CNTN6: variants seen among roughly 807,000 people sequenced by gnomAD.
CNTN6 encodes the protein contactin 6.
A neutral mutation model predicts 122.8 loss-of-function variants in CNTN6; 137 were observed. The observed-to-expected ratio is 1.12, with a 90% CI of 0.97 to 1.29. The LOEUF (loss-of-function observed/expected upper bound fraction) is 1.29, where lower values mean the gene tolerates loss of function less well. Among genes scored for constraint, CNTN6 ranks in the 50% most tolerant of loss-of-function variants. The pLI is 0.00. For missense variants in CNTN6, 1,634 were observed against 1,223.4 expected, an observed-to-expected ratio of 1.34 and a Z score of -5.01; for synonymous variants, 570 against 426.0, an observed-to-expected ratio of 1.34 and a Z score of -4.16.
intron 1 of CNTN6, among the ~76,000 whole-genome samples, chr3:1,123,431 T>C (rs1210826618): frequency 1.3e-5 from 2 of 150,682 alleles, no homozygotes; most frequent in Non-Finnish European, 3.0e-5. Context: ...GTTTTTTTCT[T>C]AATGTGCTTT....
chr3:1,347,863 A>G (rs1420719895), intron 11 of CNTN6, among the ~76,000 whole-genome samples: 1 of 152,072 alleles, frequency 6.6e-6, no homozygotes, highest in Non-Finnish European at 1.5e-5. Flanking sequence ...GTGAAACTTA[A>G]TGCTGAGGAC....
rs1703862646 is a variant in CNTN6, at chr3:1,341,329, T to C, written c.1365-10995T>C. Reference sequence around the variant, plus strand: ...CATATGAATCTATGTTAATTCTCTTTTGTGTTTTCTCAGGCATCCCAAAAT... The same window carrying C: ...CATATGAATCTATGTTAATTCTCTTCTGTGTTTTCTCAGGCATCCCAAAAT... On this transcript the variant is annotated intron_variant, in intron 11 of 22. Coordinates refer to ENST00000446702, the MANE Select transcript of CNTN6 (RefSeq NM_001289080.2). 4.6e-5 allele frequency among the ~76,000 whole-genome samples: 7 copies of C among 152,160 alleles called. 1 individual carries two copies. Among genetic ancestry groups the C allele is most frequent in the Admixed American group, 4.6e-4 (7 of 15,264 alleles).
At chr3:1,255,715 C>T (rs1016351332) in intron 4 of CNTN6, among the ~76,000 whole-genome samples, 1 of 151,850 alleles carries the variant, frequency 6.6e-6, no homozygotes, top group Admixed American at 6.6e-5. Context: ...ACTCTATTGC[C>T]CAGCTTGAGT....
intron 4 of CNTN6, among the ~76,000 whole-genome samples, chr3:1,258,671 C>A (rs544722920): frequency 2.0e-5 from 3 of 152,060 alleles, no homozygotes; most frequent in African/African-American, 7.2e-5. Flanking sequence ...AACTTTTTCT[C>A]CTCGTGTCAC....
Position 1,284,626 on chromosome 3 carries a change from C to T in CNTN6, c.454+6118C>T, listed in dbSNP as rs529957855. On this transcript the variant is annotated intron_variant, in intron 5 of 22. Coordinates refer to ENST00000446702, the MANE Select transcript of CNTN6 (RefSeq NM_001289080.2). ...TGGAAAAGAGAGACAAAGTTTTTAG[C>T]TCCATGAATCTTATAATAAAGAAAT... Among the ~76,000 whole-genome samples the T allele has an allele frequency of 6.6e-5, 10 of 152,242 alleles. No individual in the cohort carries two copies. In the South Asian group the frequency reaches 2.1e-3, roughly 32 times the overall value.
chr3:1,309,048 T>C (rs138441566), intron 7 of CNTN6, among the ~76,000 whole-genome samples: 222 of 152,300 alleles, frequency 1.5e-3, no homozygotes, highest in Non-Finnish European at 2.6e-3. Context: ...TTATCAGATA[T>C]GCGTTTTGCC....
intron 1 of CNTN6, among the ~76,000 whole-genome samples, chr3:1,097,267 A>G (rs1050054224): frequency 3.8e-4 from 58 of 152,342 alleles, no homozygotes; most frequent in African/African-American, 1.4e-3. Flanking sequence ...TCCTAAGGTA[A>G]TTTACAGAAA....
chr3:1,363,087 C>T (rs1395724782), intron 12 of CNTN6, among the ~76,000 whole-genome samples: 1 of 150,252 alleles, frequency 6.7e-6, no homozygotes, highest in African/African-American at 2.5e-5. Context: ...GAGAGAATCC[C>T]CATCACTTAA....
intron 20 of CNTN6, among the ~76,000 whole-genome samples, chr3:1,390,157 G>A (rs1220002055): frequency 6.6e-6 from 1 of 151,856 alleles, no homozygotes; most frequent in East Asian, 1.9e-4. Flanking sequence ...CACATACTTG[G>A]AAGTAAAGCT....
intron 4 of CNTN6, among the ~76,000 whole-genome samples, chr3:1,253,531 G>A (rs532523388): frequency 2.0e-5 from 3 of 152,218 alleles, no homozygotes; most frequent in African/African-American, 2.4e-5. Flanking sequence ...TGATGACATC[G>A]TTTTCAACTG....
intron 1 of CNTN6, among the ~76,000 whole-genome samples, chr3:1,136,984 G>C (rs2092491903): frequency 6.6e-6 from 1 of 152,186 alleles, no homozygotes; most frequent in Non-Finnish European, 1.5e-5. Flanking sequence ...TCTCGCTTCT[G>C]TTGGGTATTT....
chr3:1,236,069 A>C (rs2094417747), intron 4 of CNTN6, among the ~76,000 whole-genome samples: 1 of 152,018 alleles, frequency 6.6e-6, no homozygotes, highest in South Asian at 2.1e-4. Flanking sequence ...AGCCCCACCC[A>C]AGGAGAGGCT....
chr3:1,213,150 C>A (rs1307194732), intron 2 of CNTN6, among the ~76,000 whole-genome samples: 19 of 152,118 alleles, frequency 1.2e-4, no homozygotes, highest in Non-Finnish European at 1.5e-5. Context: ...TAATCATTCT[C>A]ACAAGTATAA....
intron 2 of CNTN6, among the ~76,000 whole-genome samples, chr3:1,198,878 T>C (rs1039228258): frequency 1.3e-5 from 2 of 152,174 alleles, no homozygotes; most frequent in Non-Finnish European, 2.9e-5. Flanking sequence ...TTAAAAATCT[T>C]GTAATTTGTT....
At chr3:1,266,661 A>T (rs890875726) in intron 4 of CNTN6, among the ~76,000 whole-genome samples, 1 of 152,182 alleles carries the variant, frequency 6.6e-6, no homozygotes, top group African/African-American at 2.4e-5. Context: ...GGCTCTGTCT[A>T]TGAAGGACCA....
rs775618070 is a variant in CNTN6 at position 1,373,587 on chromosome 3, A to G, written c.1787-17A>G. 5 of 1,608,972 alleles carry G rather than the reference A, an allele frequency of 3.1e-6. No homozygotes were observed. Among genetic ancestry groups the G allele is most frequent in the African/African-American group, 2.7e-5 (2 of 74,584 alleles). On this transcript the variant is annotated splice_polypyrimidine_tract_variant and intron_variant, in intron 14 of 22. Transcript: ENST00000446702. ...TAAGTATCTCCAATGGAGTCATGAT[A>G]AAACATTTTTTTCAAGGTCCACCAG...
chr3:1,342,290 C>A (rs746427117), intron 11 of CNTN6, among the ~76,000 whole-genome samples: 1 of 151,936 alleles, frequency 6.6e-6, no homozygotes, highest in Non-Finnish European at 1.5e-5. Flanking sequence ...CCACCACACC[C>A]GGCTAATTTT....
intron 2 of CNTN6, among the ~76,000 whole-genome samples, chr3:1,187,317 G>A (rs554227130): frequency 2.0e-5 from 3 of 150,804 alleles, no homozygotes; most frequent in South Asian, 4.2e-4. Context: ...CCTGCCTTAC[G>A]TTCCTTTGAG....
chr3:1,210,497 A>C (rs1324641028), intron 2 of CNTN6, among the ~76,000 whole-genome samples: 1 of 152,164 alleles, frequency 6.6e-6, no homozygotes, highest in Non-Finnish European at 1.5e-5. Flanking sequence ...AGTCTAGCTT[A>C]AGCTCTACAG....
Sources: gnomAD v4.1 joint callset for allele counts (sites outside exome capture counted in the v4.1 genomes callset) on GRCh38, gnomAD v4.1.1 for gene constraint, MANE v1.5 for transcripts, NCBI Gene and HGNC (gene_info 2026-07-23, HGNC 2026-07-21) for gene names.